The following NOL4L variants were observed in gnomAD, a reference collection of about 807,000 sequenced individuals.
The protein encoded by NOL4L is nucleolar protein 4 like.
NOL4L carries 7 observed loss-of-function variants against 64.5 expected under a neutral mutation model. The ratio of observed to expected loss-of-function variants is 0.11; its 90% confidence interval spans 0.06 to 0.20. NOL4L has a LOEUF of 0.20. NOL4L is among the 10% of genes least tolerant of loss of function. The pLI is 1.00. For synonymous variants in NOL4L, 413 were observed against 401.0 expected (o/e 1.03, Z -0.36); for missense variants, 680 against 967.1 (o/e 0.70, Z 3.94).
chr20:32,484,562 C>A (rs905641996), intron 4 of NOL4L, among the ~76,000 whole-genome samples: 3 of 152,016 alleles, frequency 2.0e-5, no homozygotes, highest in Non-Finnish European at 4.4e-5. Context: ...TACGCGACCC[C>A]CAGCGCCCGC....
intron 1 of NOL4L, among the ~76,000 whole-genome samples, chr20:32,539,209 CACG>C (rs2018611658): frequency 6.6e-6 from 1 of 152,220 alleles, no homozygotes; most frequent in Non-Finnish European, 1.5e-5. Context: ...CGTGGTTAAG[CACG>C]TGAGTTCTGC....
At chr20:32,484,662 TGTAAA>T (rs1409254101) in intron 4 of NOL4L, among the ~76,000 whole-genome samples, 2 of 151,930 alleles carry the variant, frequency 1.3e-5, no homozygotes, top group Admixed American at 6.5e-5. Flanking sequence ...GAGCCACAGT[TGTAAA>T]GTAATAGGAT....
intron 3 of NOL4L, among the ~76,000 whole-genome samples, chr20:32,517,121 T>A (rs899311948): frequency 1.3e-5 from 2 of 152,150 alleles, no homozygotes; most frequent in Non-Finnish European, 2.9e-5. Context: ...CTCCTGGCAC[T>A]GGGGGAGGGC....
At chr20:32,481,426 C>A (rs760658456) in intron 4 of NOL4L, among the ~76,000 whole-genome samples, 1 of 152,216 alleles carries the variant, frequency 6.6e-6, no homozygotes, top group African/African-American at 2.4e-5. Flanking sequence ...AAGAAAGGAA[C>A]CCAGACAACA....
At chr20:32,557,578 G>A (rs75248986) in intron 1 of NOL4L, among the ~76,000 whole-genome samples, 5,337 of 152,258 alleles carry the variant, frequency 0.035, 328 homozygotes, top group African/African-American at 0.12. Flanking sequence ...TGGTGGGCAG[G>A]GGGCAAACTC....
chr20:32,466,029 G>A (rs1177098282), intron 5 of NOL4L, among the ~76,000 whole-genome samples: 2 of 146,734 alleles, frequency 1.4e-5, no homozygotes, highest in African/African-American at 2.6e-5. Flanking sequence ...GCCCAGTGGT[G>A]TGATCTTGGC....
At chr20:32,528,412 C>T (rs534284250) in intron 1 of NOL4L, among the ~76,000 whole-genome samples, 14 of 152,352 alleles carry the variant, frequency 9.2e-5, no homozygotes, top group African/African-American at 2.6e-4. Flanking sequence ...AAAAGCTTTT[C>T]GCGGCTGCCT....
At position 32,447,520 on chromosome 20, in the gene NOL4L, C is replaced by T. The variant is rs2012401831; in HGVS notation, c.*76G>A. On this transcript the variant is annotated 3_prime_UTR_variant, in exon 11 of 11. Coordinates refer to ENST00000621426, the MANE Select transcript of NOL4L (RefSeq NM_001256798.2). ...CTCTTTCAAAAACAAAATGTACCAA[C>T]TGGTGAGGCAGGAAGCCAGGTCCAG... is the stretch of plus-strand genomic sequence containing the variant. The T allele has an allele frequency of 6.8e-7, 1 of 1,481,252 alleles. No individual in the cohort carries two copies. The highest frequency in any genetic ancestry group is 8.9e-7 in the Non-Finnish European group (1 of 1,122,180). The allele number at this position is 1,481,252 out of a possible 1,614,324, so 91.8% of individuals were successfully genotyped here. A position where few individuals can be genotyped will look rare whatever the true frequency, so the allele number is the denominator to read the frequency against.
chr20:32,554,400 T>C (rs1978519845), intron 1 of NOL4L, among the ~76,000 whole-genome samples: 1 of 151,272 alleles, frequency 6.6e-6, no homozygotes. Flanking sequence ...AAGGCGCTTG[T>C]CACAGGCTGC....
At chr20:32,452,596 C>A (rs2013039618) in intron 9 of NOL4L, among the ~76,000 whole-genome samples, 159 bp from the exon 10 acceptor site, 1 of 152,150 alleles carries the variant, frequency 6.6e-6, no homozygotes. Flanking sequence ...CCCCCAGCCA[C>A]CTTCCCCCCG....
intron 3 of NOL4L, chr20:32,520,182 A>C (rs921500403): frequency 2.8e-4 from 42 of 151,696 alleles, no homozygotes; most frequent in African/African-American, 1.0e-3. Context: ...GCTACCCGGG[A>C]GGCTGAGGCA....
rs945264558 is a variant in NOL4L at position 32,520,822 on chromosome 20, A to G, written c.578T>C (p.Leu193Pro). The G allele has an allele frequency of 2.1e-5, 33 of 1,548,662 alleles. No individual in the cohort carries two copies. Among genetic ancestry groups the G allele is most frequent in the Middle Eastern group, 1.7e-4 (1 of 6,010 alleles). The stretch of plus-strand genomic sequence containing the variant: ...GCCACCCCTGCTACCTTTGGGTTCC[A>G]GGCCATTGGAGTTAAAGTGCATCCT... ...QKRMHFNSNGLEPKENEPPSP... is the reference protein window; with the variant it reads ...QKRMHFNSNGPEPKENEPPSP... Residue 193 changes from leucine to proline, a missense_variant, in exon 3 of 11, where the codon CTG (leucine) becomes CCG (proline). Transcript: ENST00000621426.
intron 5 of NOL4L, among the ~76,000 whole-genome samples, chr20:32,461,416 C>CTTTT (rs1347135672): frequency 4.9e-5 from 3 of 61,162 alleles, no homozygotes; most frequent in African/African-American, 1.0e-4. Context: ...CTCTACCTTT[C>CTTTT]TTTTCTTTTT....
chr20:32,562,257 C>T (rs1156565227), intron 1 of NOL4L, among the ~76,000 whole-genome samples: 4 of 152,170 alleles, frequency 2.6e-5, no homozygotes, highest in Non-Finnish European at 4.4e-5. Context: ...ACCCCCCACC[C>T]GCCCATCAGG....
At position 32,485,058 on chromosome 20, in the gene NOL4L, C is replaced by CAAAAAAAAAAAAAAAAAAAAAAAAAAAA. The variant is rs57444583; in HGVS notation, c.700-10344_700-10317dup. 3.7e-3 allele frequency among the ~76,000 whole-genome samples: 66 copies of CAAAAAAAAAAAAAAAAAAAAAAAAAAAA among 17,814 alleles called. 8 individuals are homozygous for CAAAAAAAAAAAAAAAAAAAAAAAAAAAA. Among genetic ancestry groups the CAAAAAAAAAAAAAAAAAAAAAAAAAAAA allele is most frequent in the East Asian group, 5.3e-3 (2 of 374 alleles). The allele number at this position is 17,814 out of a possible 152,430, so 11.7% of individuals were successfully genotyped here. ...TCGTGGAATTCTGTGGGGAAATTGC[C>CAAAAAAAAAAAAAAAAAAAAAAAAAAAA]AAAAAAAAAAAAAAAAAAAAAAAAA... is the stretch of plus-strand genomic sequence containing the variant. On this transcript the variant is annotated intron_variant, in intron 4 of 10. Transcript: ENST00000621426.
chr20:32,464,870 T>C lies in NOL4L; in HGVS notation c.842-8475A>G. 3 of 424,610 alleles carry C rather than the reference T, an allele frequency of 7.1e-6. No homozygotes were observed. The allele number at this position is 424,610 out of a possible 1,614,324, so 26.3% of individuals were successfully genotyped here. Reference sequence around the variant, plus strand: ...TGATACCGTGTTATCAGAGCTGAGATATTTCACCTTCTTCTTTCCTACGGA... The same window carrying C: ...TGATACCGTGTTATCAGAGCTGAGACATTTCACCTTCTTCTTTCCTACGGA... On this transcript the variant is annotated intron_variant, in intron 5 of 10. Coordinates refer to ENST00000621426, the MANE Select transcript of NOL4L (RefSeq NM_001256798.2). The surrounding 1 kb of genome is among the most constrained non-coding windows in gnomAD (Gnocchi z 5.6).
intron 1 of NOL4L, among the ~76,000 whole-genome samples, chr20:32,581,588 G>C (rs1335986572): frequency 6.6e-6 from 1 of 152,116 alleles, no homozygotes; most frequent in African/African-American, 2.4e-5. Flanking sequence ...TATGGGGCCT[G>C]TCTGCTGGAT....
chr20:32,487,456 C>A (rs1330378377), intron 4 of NOL4L, among the ~76,000 whole-genome samples: 1 of 152,086 alleles, frequency 6.6e-6, no homozygotes, highest in African/African-American at 2.4e-5. Flanking sequence ...GAGGAAGCCA[C>A]TGGGTGTCCT....
At chr20:32,489,959 T>C (rs2016388152) in intron 4 of NOL4L, among the ~76,000 whole-genome samples, 1 of 151,788 alleles carries the variant, frequency 6.6e-6, no homozygotes, top group Admixed American at 6.6e-5. Flanking sequence ...TAAAACCCTG[T>C]CTCTACTAAA....
Sources: allele counts gnomAD v4.1 joint callset (sites outside exome capture counted in the v4.1 genomes callset), GRCh38; gene constraint gnomAD v4.1.1; non-coding constraint Gnocchi (gnomAD v3.1); transcripts MANE v1.5; gene names NCBI Gene and HGNC (gene_info 2026-07-23, HGNC 2026-07-21).